Variants in CTXN3 observed in about 807,000 individuals in gnomAD.
The protein encoded by CTXN3 is cortexin 3.
A neutral mutation model predicts 5.0 loss-of-function variants in CTXN3; 4 were observed. That is an observed-to-expected ratio of 0.79 (90% CI 0.39 to 1.82). The LOEUF is 1.82. Among genes scored for constraint, CTXN3 ranks in the 40% most tolerant of loss-of-function variants. The pLI, the probability that CTXN3 is intolerant of heterozygous loss-of-function variation, is 0.04. For synonymous variants in CTXN3, 48 were observed against 38.6 expected (o/e 1.24, Z -0.91); for missense variants, 89 against 99.7 (o/e 0.89, Z 0.46).
chr5:127,649,980 A>G (rs1471537548), intron 1 of CTXN3, among the ~76,000 whole-genome samples: 2 of 152,134 alleles, frequency 1.3e-5, no homozygotes, highest in Non-Finnish European at 2.9e-5. Flanking sequence ...GCCTTCTGAT[A>G]CCACCGATTC....
chr5:127,658,484 A>G lies in CTXN3; in HGVS notation c.*717A>G, dbSNP rs1749967564. 2.4e-5 allele frequency: 4 copies of G among 167,154 alleles called. No homozygotes were observed. Among genetic ancestry groups the G allele is most frequent in the African/African-American group, 9.6e-5 (4 of 41,482 alleles). The allele number at this position is 167,154 out of a possible 1,614,324, so 10.4% of individuals were successfully genotyped here. A position where few individuals can be genotyped will look rare whatever the true frequency, so the allele number is the denominator to read the frequency against. ...ATTACTTGAATTTACACTTTACACAAATGATTTAAAAAATAGGTTGCAAGT... is the reference window on the plus strand; with the variant it reads ...ATTACTTGAATTTACACTTTACACAGATGATTTAAAAAATAGGTTGCAAGT... On this transcript the variant is annotated 3_prime_UTR_variant, in exon 3 of 3. Transcript: ENST00000379445.
chr5:127,652,371 G>A (rs553833340), intron 1 of CTXN3: 5 of 152,298 alleles, frequency 3.3e-5, no homozygotes, highest in African/African-American at 9.6e-5. Context: ...ACTGTAAGGG[G>A]TTGAAGATTT....
chr5:127,649,845 A>T (rs903743743), intron 1 of CTXN3, among the ~76,000 whole-genome samples: 2 of 152,178 alleles, frequency 1.3e-5, no homozygotes, highest in Non-Finnish European at 2.9e-5. Context: ...TGTGTGCAGC[A>T]CTATCCTTTT....
intron 2 of CTXN3, among the ~76,000 whole-genome samples, chr5:127,656,802 T>C (rs1015247348): frequency 1.3e-5 from 2 of 152,224 alleles, no homozygotes; most frequent in Non-Finnish European, 2.9e-5. Flanking sequence ...CAGGCATTGC[T>C]ACTTGCATTT....
At chr5:127,656,327 C>A (rs560889400) in intron 2 of CTXN3, among the ~76,000 whole-genome samples, 1 of 152,036 alleles carries the variant, frequency 6.6e-6, no homozygotes, top group Non-Finnish European at 1.5e-5. Flanking sequence ...TATATTTATA[C>A]GGTAATATAC....
intron 1 of CTXN3, among the ~76,000 whole-genome samples, chr5:127,650,176 G>A (rs2126739560): frequency 6.6e-6 from 1 of 152,252 alleles, no homozygotes; most frequent in East Asian, 1.9e-4. Flanking sequence ...AAAAGCAGCA[G>A]TGAGTTGAGA....
intron 2 of CTXN3, among the ~76,000 whole-genome samples, chr5:127,654,103 T>C (rs75842324): frequency 0.043 from 6,570 of 152,272 alleles, 310 homozygotes; most frequent in African/African-American, 0.12. Context: ...TGCTAGCACA[T>C]TAATGTGCCA....
chr5:127,657,680 G>A lies in CTXN3; in HGVS notation c.159G>A (p.Leu53=). ...TTGTCCGGTGCTTCCGGATTCTTTT[G>A]GATCCATATCGAAGCATGCCAACCT... ...ILIVRCFRIL[L]DPYRSMPTST... The change falls in exon 3 of 3, where the codon TTG becomes TTA. Residue 53 remains leucine, a synonymous_variant. Coordinates refer to ENST00000379445, the MANE Select transcript of CTXN3 (RefSeq NM_001048252.3). The A allele has an allele frequency of 6.2e-7, 1 of 1,614,120 alleles. No individual in the cohort carries two copies. Among genetic ancestry groups the A allele is most frequent in the South Asian group, 1.1e-5 (1 of 91,072 alleles).
rs868540775 is a variant in CTXN3 at position 127,652,708 on chromosome 5, T to C, written c.-206-609T>C. On this transcript the variant is annotated intron_variant, in intron 1 of 2. Coordinates refer to ENST00000379445, the MANE Select transcript of CTXN3 (RefSeq NM_001048252.3). Reference sequence around the variant, plus strand: ...TGGAAAGAAGGAGAGGAGGCAAGTATTATGAGGTAGGAAACCTGGAGGTGT... The same window carrying C: ...TGGAAAGAAGGAGAGGAGGCAAGTACTATGAGGTAGGAAACCTGGAGGTGT... Among the ~76,000 whole-genome samples the C allele has an allele frequency of 1.5e-3, 226 of 152,130 alleles. 1 individual carries two copies. Among genetic ancestry groups the C allele is most frequent in the African/African-American group, 5.3e-3 (219 of 41,494 alleles).
intron 2 of CTXN3, 28 bp from the exon 3 acceptor site, chr5:127,657,395 A>T: frequency 9.6e-7 from 1 of 1,043,820 alleles, no homozygotes; most frequent in Non-Finnish European, 1.4e-6. Context: ...TTTTATAGGT[A>T]TTCCTTTCCC....
chr5:127,656,738 C>T lies in CTXN3; in HGVS notation c.-99-685C>T, dbSNP rs568128640. On this transcript the variant is annotated intron_variant, in intron 2 of 2. Transcript: ENST00000379445. ...TTTGTTTGTTTTTCTTTTTTGTATACTTTTCAAAGGGTTTTCACAGCTCTT... is the reference window on the plus strand; with the variant it reads ...TTTGTTTGTTTTTCTTTTTTGTATATTTTTCAAAGGGTTTTCACAGCTCTT... Among the ~76,000 whole-genome samples, 132 of 152,244 alleles carry T rather than the reference C, an allele frequency of 8.7e-4. 1 individual carries two copies. The highest frequency in any genetic ancestry group is 3.2e-3 in the African/African-American group (132 of 41,554).
intron 1 of CTXN3, among the ~76,000 whole-genome samples, chr5:127,650,396 A>C (rs1413390595): frequency 6.6e-6 from 1 of 152,182 alleles, no homozygotes; most frequent in East Asian, 1.9e-4. Flanking sequence ...TGAGAGTATA[A>C]AATATATTTA....
chr5:127,651,555 G>A (rs925696660), intron 1 of CTXN3: 1 of 152,046 alleles, frequency 6.6e-6, no homozygotes, highest in Non-Finnish European at 1.5e-5. Flanking sequence ...ATACCTTAGT[G>A]TGCTTGATCA....
chr5:127,654,904 A>G (rs1749870821), intron 2 of CTXN3, among the ~76,000 whole-genome samples: 1 of 152,200 alleles, frequency 6.6e-6, no homozygotes, highest in Non-Finnish European at 1.5e-5. Flanking sequence ...TACATCAGTT[A>G]TACAGTTAAT....
intron 2 of CTXN3, among the ~76,000 whole-genome samples, chr5:127,656,966 T>G (rs1253750590): frequency 1.3e-5 from 2 of 152,192 alleles, no homozygotes; most frequent in Non-Finnish European, 2.9e-5. Flanking sequence ...ATCCCTGCTT[T>G]CGTGAAGCTT....
chr5:127,654,110 G>A (rs1353362128), intron 2 of CTXN3, among the ~76,000 whole-genome samples: 2 of 152,160 alleles, frequency 1.3e-5, no homozygotes, highest in Admixed American at 6.5e-5. Context: ...ACATTAATGT[G>A]CCACTTTCCT....
chr5:127,654,867 T>A (rs1458222854), intron 2 of CTXN3, among the ~76,000 whole-genome samples: 1 of 152,190 alleles, frequency 6.6e-6, no homozygotes, highest in Non-Finnish European at 1.5e-5. Flanking sequence ...TACCTGAATT[T>A]TTGGATTTCA....
chr5:127,653,332 C>A lies in CTXN3; in HGVS notation c.-191C>A, dbSNP rs543569987. The A allele has an allele frequency of 6.6e-6, 1 of 151,978 alleles. No homozygotes were observed. The highest frequency in any genetic ancestry group is 2.4e-5 in the African/African-American group (1 of 41,522). 9.4% of individuals were successfully genotyped at this position (151,978 alleles called of 1,614,324 possible). ...AATTTTTCAGTATTAAAATTAGACT[C>A]TATTTCCTGAGCACCCACAAATGGA... On this transcript the variant is annotated 5_prime_UTR_variant, in exon 2 of 3. Coordinates refer to ENST00000379445, the MANE Select transcript of CTXN3 (RefSeq NM_001048252.3).
chr5:127,656,737 A>G (rs1194270683), intron 2 of CTXN3, among the ~76,000 whole-genome samples: 13 of 152,096 alleles, frequency 8.5e-5, no homozygotes, highest in Non-Finnish European at 1.5e-4. Flanking sequence ...TTTTTTGTAT[A>G]CTTTTCAAAG....
Sources: gnomAD v4.1 joint callset for allele counts (sites outside exome capture counted in the v4.1 genomes callset) on GRCh38, gnomAD v4.1.1 for gene constraint, MANE v1.5 for transcripts, NCBI Gene and HGNC (gene_info 2026-07-23, HGNC 2026-07-21) for gene names.